AHR: variants seen among roughly 807,000 people sequenced by gnomAD.
AHR encodes AH-receptor.
Under a neutral mutation model 86.8 loss-of-function variants are expected in AHR, and 40 were observed. The ratio of observed to expected loss-of-function variants is 0.46; its 90% CI spans 0.36 to 0.60. The LOEUF (loss-of-function observed/expected upper bound fraction) is 0.60, where lower values mean the gene tolerates loss of function less well. Ranked by LOEUF, AHR falls within the 20% of genes least tolerant of loss-of-function variation. The pLI, the probability that AHR is intolerant of heterozygous loss-of-function variation, is 0.00. For missense variants in AHR, 1,001 were observed against 1,011.6 expected, an observed-to-expected ratio of 0.99 and a Z score of 0.14; for synonymous variants, 398 against 354.9, an observed-to-expected ratio of 1.12 and a Z score of -1.37.
At chr7:17,340,831 G>A (rs1782413553) in intron 10 of AHR, among the ~76,000 whole-genome samples, 1 of 152,028 alleles carries the variant, frequency 6.6e-6, no homozygotes, top group Non-Finnish European at 1.5e-5. Flanking sequence ...AAGGTAGAAT[G>A]GCTTTCTTTT....
At position 17,339,636 on chromosome 7, in the gene AHR, C is replaced by T. The variant is rs1353378399; in HGVS notation, c.1811C>T (p.Ser604Phe). The T allele has an allele frequency of 1.2e-6, 2 of 1,614,072 alleles. No individual in the cohort carries two copies. The highest frequency in any genetic ancestry group is 1.3e-5 in the African/African-American group (1 of 75,060). Residue 604 changes from serine (S) to phenylalanine (F), a missense_variant, in exon 10 of 11, where the codon TCC (serine) becomes TTC (phenylalanine). Ser to Phe is a radical substitution (Grantham distance 155). This residue lies in a region of AHR where 607 missense variants were observed against 543.1 expected (regional missense o/e 1.12). Coordinates refer to ENST00000242057, the MANE Select transcript of AHR (RefSeq NM_001621.5). ...CCTTCAGATTATCAACAGCAACAGT[C>T]CTTGGCTCTGAACTCAAGCTGTATG... ...FIPSDYQQQQ[S>F]LALNSSCMVQ...
Position 17,311,071 on chromosome 7 carries a change from T to G in AHR, c.253+948T>G, listed in dbSNP as rs533396825. Among the ~76,000 whole-genome samples the G allele has an allele frequency of 6.6e-5, 10 of 152,364 alleles. 1 individual carries two copies. In the South Asian group the frequency reaches 2.1e-3, roughly 32 times the overall value. On this transcript the variant is annotated intron_variant, in intron 2 of 10. Transcript: ENST00000242057. ...GCAGCTGGATGATATTTGTTACCTTTAAATTGCAATGGAAGTTTTTGTTTG... is the reference window on the plus strand; with the variant it reads ...GCAGCTGGATGATATTTGTTACCTTGAAATTGCAATGGAAGTTTTTGTTTG...
chr7:17,328,844 T>C (rs960801187), intron 4 of AHR, among the ~76,000 whole-genome samples: 1 of 151,936 alleles, frequency 6.6e-6, no homozygotes, highest in Non-Finnish European at 1.5e-5. Flanking sequence ...ACTAGAAGAT[T>C]AGGTTCCTAG....
chr7:17,306,596 A>G (rs986969834), intron 1 of AHR, among the ~76,000 whole-genome samples: 1 of 151,902 alleles, frequency 6.6e-6, no homozygotes, highest in Non-Finnish European at 1.5e-5. Context: ...CCATAGCCCT[A>G]TACCTAAATG....
At chr7:17,304,926 TAGA>T (rs1781990572) in intron 1 of AHR, among the ~76,000 whole-genome samples, 1 of 152,026 alleles carries the variant, frequency 6.6e-6, no homozygotes, top group East Asian at 1.9e-4. Context: ...TGTGTTTGCG[TAGA>T]AGAAGGGGGA....
At position 17,346,082 on chromosome 7, in the gene AHR, A is replaced by G. The variant is rs1269685940; in HGVS notation, c.*3018A>G. The G allele has an allele frequency of 1.3e-5, 2 of 152,780 alleles. No homozygotes were observed. Among genetic ancestry groups the G allele is most frequent in the South Asian group, 2.1e-4 (1 of 4,828 alleles). The allele number at this position is 152,780 out of a possible 1,614,324, so 9.5% of individuals were successfully genotyped here. ...TCATGCATAGATTTTTGCTTAAAGT[A>G]TGATTTATAATATCCTCATTATCAA... On this transcript the variant is annotated 3_prime_UTR_variant, in exon 11 of 11. Transcript: ENST00000242057.
At chr7:17,312,431 A>G (rs1782075220) in intron 2 of AHR, among the ~76,000 whole-genome samples, 1 of 152,242 alleles carries the variant, frequency 6.6e-6, no homozygotes, top group East Asian at 1.9e-4. Context: ...AGACAGATAC[A>G]TATAAATGTG....
Position 17,343,123 on chromosome 7 carries a change from A to G in AHR, c.*59A>G. The G allele has an allele frequency of 3.2e-6, 5 of 1,582,874 alleles. No homozygotes were observed. The highest frequency in any genetic ancestry group is 3.5e-6 in the Non-Finnish European group (4 of 1,153,772). ...TAAATTAGTTTGTGAAGGATTATGG[A>G]AAAATAAAACTGTCACTGTTGGACG... On this transcript the variant is annotated 3_prime_UTR_variant, in exon 11 of 11. Transcript: ENST00000242057.
chr7:17,321,765 C>A (rs905188187), intron 2 of AHR, among the ~76,000 whole-genome samples: 3 of 151,854 alleles, frequency 2.0e-5, no homozygotes, highest in Non-Finnish European at 4.4e-5. Context: ...GATGTAATAC[C>A]TAGGAGTAAA....
chr7:17,330,685 T>A, intron 5 of AHR, 71 bp from the exon 6 acceptor site: 1 of 1,376,076 alleles, frequency 7.3e-7, no homozygotes, highest in Non-Finnish European at 9.7e-7. Flanking sequence ...CTAATACAAA[T>A]TTTACCTATT....
intron 2 of AHR, among the ~76,000 whole-genome samples, chr7:17,312,494 ATG>A (rs1342827781): frequency 6.6e-6 from 1 of 152,206 alleles, no homozygotes; most frequent in African/African-American, 2.4e-5. Flanking sequence ...TGTCTACATT[ATG>A]TGTGTATGTG....
At chr7:17,320,033 G>A (rs555870928) in intron 2 of AHR, among the ~76,000 whole-genome samples, 1 of 152,144 alleles carries the variant, frequency 6.6e-6, no homozygotes, top group African/African-American at 2.4e-5. Context: ...TCCGCCAAAT[G>A]AACTTGTCAC....
chr7:17,332,051 C>T (rs1396492256), intron 6 of AHR, among the ~76,000 whole-genome samples: 1 of 151,812 alleles, frequency 6.6e-6, no homozygotes, highest in Non-Finnish European at 1.5e-5. Context: ...TGGTCAATAA[C>T]AGACCATGTA....
At chr7:17,318,203 C>T (rs995889572) in intron 2 of AHR, among the ~76,000 whole-genome samples, 11 of 152,070 alleles carry the variant, frequency 7.2e-5, no homozygotes, top group Non-Finnish European at 1.3e-4. Flanking sequence ...TACCACTATT[C>T]GGTATTCCTC....
At chr7:17,330,918 T>TA (rs1584039357) in intron 6 of AHR, 32 bp downstream of exon 6, 4 of 1,599,978 alleles carry the variant, frequency 2.5e-6, no homozygotes, top group Non-Finnish European at 3.4e-6. Flanking sequence ...TACTGGCTTT[T>TA]ACTATTGTTA....
chr7:17,337,024 A>G (rs1782361148), intron 9 of AHR, among the ~76,000 whole-genome samples: 2 of 152,006 alleles, frequency 1.3e-5, no homozygotes, highest in South Asian at 4.1e-4. Flanking sequence ...CAGCATTACA[A>G]CCCTCATCTT....
chr7:17,335,973 A>G (rs185658929), intron 9 of AHR, 187 bp downstream of exon 9: 28 of 565,294 alleles, frequency 5.0e-5, no homozygotes, highest in Middle Eastern at 4.7e-4. Context: ...ATTGAGAGCT[A>G]CATGTGCAGA....
At chr7:17,335,051 C>G (rs186170100) in intron 8 of AHR, 55 bp downstream of exon 8, 1 of 1,301,466 alleles carries the variant, frequency 7.7e-7, no homozygotes, top group South Asian at 1.2e-5. Flanking sequence ...TACTGTTGTA[C>G]ATGTTTCAAA....
intron 9 of AHR, among the ~76,000 whole-genome samples, chr7:17,337,565 C>A (rs1236009803): frequency 2.0e-5 from 3 of 150,558 alleles, no homozygotes; most frequent in Admixed American, 6.6e-5. Flanking sequence ...AGCTCCGCCA[C>A]CCGGGTTCAC....
Sources: allele counts gnomAD v4.1 joint callset (sites outside exome capture counted in the v4.1 genomes callset), GRCh38; gene constraint gnomAD v4.1.1; regional missense constraint gnomAD v4.1.1; transcripts MANE v1.5; gene names NCBI Gene and HGNC (gene_info 2026-07-23, HGNC 2026-07-21).